The following GULP1 variants were observed in gnomAD, a reference collection of about 807,000 sequenced individuals.
The protein encoded by GULP1 is GULP PTB domain containing engulfment adaptor 1.
GULP1 carries 19 observed loss-of-function variants against 40.9 expected under a neutral mutation model. The ratio of observed to expected loss-of-function variants is 0.46; its 90% confidence interval spans 0.32 to 0.68. The LOEUF (loss-of-function observed/expected upper bound fraction) is 0.68, where lower values mean the gene tolerates loss of function less well. GULP1 is among the 30% of genes least tolerant of loss of function. The pLI is 0.03. For synonymous variants in GULP1, 119 were observed against 117.6 expected (o/e 1.01, Z -0.08); for missense variants, 312 against 362.2 (o/e 0.86, Z 1.12).
chr2:188,401,808 T>G (rs2052335888), intron 2 of GULP1, among the ~76,000 whole-genome samples: 1 of 152,110 alleles, frequency 6.6e-6, no homozygotes, highest in Non-Finnish European at 1.5e-5. Context: ...AATAAGCAAT[T>G]TAATAAGACA....
rs995398050 is a variant in GULP1, at chr2:188,595,886, G to A, written c.*1875G>A. 6 of 152,102 alleles carry A rather than the reference G, an allele frequency of 3.9e-5. No homozygotes were observed. The highest frequency in any genetic ancestry group is 7.4e-5 in the Non-Finnish European group (5 of 67,756). 9.4% of individuals were successfully genotyped at this position (152,102 alleles called of 1,614,324 possible). ...AATTGTATTTCTATGTAAACTCAAC[G>A]ATATGTTTGGTTTTCCTGAAAATAA... On this transcript the variant is annotated 3_prime_UTR_variant, in exon 12 of 12. Coordinates refer to ENST00000409830, the MANE Select transcript of GULP1 (RefSeq NM_016315.4).
At chr2:188,303,046 T>G (rs2036426161) in intron 1 of GULP1, among the ~76,000 whole-genome samples, 1 of 152,162 alleles carries the variant, frequency 6.6e-6, no homozygotes, top group Admixed American at 6.5e-5. Context: ...GCCTTCCTGT[T>G]CTTTAATAAT....
chr2:188,483,414 TG>T lies in GULP1; in HGVS notation c.29-16del. On this transcript the variant is annotated splice_polypyrimidine_tract_variant and intron_variant, in intron 3 of 11. Coordinates refer to ENST00000409830, the MANE Select transcript of GULP1 (RefSeq NM_016315.4). ...CATGGAAACCTAAAATTTAACTCTG[TG>T]TATTTTTTATTGCAGACAAAACATG... 1 of 1,395,254 alleles carries T rather than the reference TG, an allele frequency of 7.2e-7. No homozygotes were observed. The highest frequency in any genetic ancestry group is 1.0e-6 in the Non-Finnish European group (1 of 993,244). The allele number at this position is 1,395,254 out of a possible 1,614,324, so 86.4% of individuals were successfully genotyped here.
chr2:188,321,088 A>C (rs773057330), intron 1 of GULP1, among the ~76,000 whole-genome samples: 8 of 152,128 alleles, frequency 5.3e-5, no homozygotes, highest in Admixed American at 2.0e-4. Context: ...AATTTCTACT[A>C]TAGGCTATTT....
intron 2 of GULP1, among the ~76,000 whole-genome samples, chr2:188,388,880 T>C (rs2050147767): frequency 6.6e-6 from 1 of 152,226 alleles, no homozygotes; most frequent in African/African-American, 2.4e-5. Context: ...GGCATGCAGA[T>C]ACTGAGTTAC....
intron 1 of GULP1, among the ~76,000 whole-genome samples, chr2:188,349,284 A>G (rs2044127099): frequency 6.6e-6 from 1 of 152,212 alleles, no homozygotes; most frequent in African/African-American, 2.4e-5. Flanking sequence ...ACTGGGTCAT[A>G]TGGTAACTCT....
chr2:188,515,612 C>T (rs1187362597), intron 4 of GULP1, among the ~76,000 whole-genome samples: 1 of 152,072 alleles, frequency 6.6e-6, no homozygotes, highest in African/African-American at 2.4e-5. Flanking sequence ...TACCCACACT[C>T]TGCCCAGTCC....
intron 2 of GULP1, among the ~76,000 whole-genome samples, chr2:188,454,115 T>G (rs1055579347): frequency 1.3e-5 from 2 of 152,168 alleles, no homozygotes; most frequent in African/African-American, 2.4e-5. Flanking sequence ...GTGTTATAGC[T>G]TGTACCCCTG....
chr2:188,408,375 T>C (rs1287229359), intron 2 of GULP1, among the ~76,000 whole-genome samples: 11 of 152,120 alleles, frequency 7.2e-5, no homozygotes, highest in Non-Finnish European at 1.3e-4. Flanking sequence ...ACTATACTTT[T>C]ATCAGATAAA....
rs1291096687 is a variant in GULP1 at position 188,362,341 on chromosome 2, G to T, written c.-171-21422G>T. ...TTAGTCCTATGGAACCATTTTGAGT[G>T]TGTGTGTAAAACACCTCATATGTTT... On this transcript the variant is annotated intron_variant, in intron 1 of 11. Transcript: ENST00000409830. Among the ~76,000 whole-genome samples the T allele has an allele frequency of 5.9e-5, 9 of 152,058 alleles. 1 individual carries two copies.
chr2:188,450,577 A>G (rs1034765854), intron 2 of GULP1, among the ~76,000 whole-genome samples: 3 of 152,218 alleles, frequency 2.0e-5, no homozygotes, highest in East Asian at 3.9e-4. Context: ...ATACAATTAT[A>G]TATTTTTCCC....
intron 1 of GULP1, among the ~76,000 whole-genome samples, chr2:188,369,176 G>C (rs1367579457): frequency 1.3e-5 from 2 of 151,238 alleles, no homozygotes; most frequent in Non-Finnish European, 2.9e-5. Context: ...GGTGATGCTA[G>C]TCTCAAACCC....
At chr2:188,503,640 T>C (rs2063643064) in intron 4 of GULP1, among the ~76,000 whole-genome samples, 1 of 151,968 alleles carries the variant, frequency 6.6e-6, no homozygotes, top group South Asian at 2.1e-4. Context: ...AGTCAATTCT[T>C]CCAATGTGGC....
intron 2 of GULP1, among the ~76,000 whole-genome samples, chr2:188,456,983 G>T (rs946518263): frequency 2.6e-5 from 4 of 152,148 alleles, no homozygotes; most frequent in African/African-American, 4.8e-5. Context: ...TTTTGGACTT[G>T]CATGGGGCCT....
Position 188,381,319 on chromosome 2 carries a change from A to G in GULP1, c.-171-2444A>G, listed in dbSNP as rs767651506. ...GCTCTTCTTTATTCTGTCACATTGCATAAAATATTCTAGTTTGAAAAGTAT... is the reference window on the plus strand; with the variant it reads ...GCTCTTCTTTATTCTGTCACATTGCGTAAAATATTCTAGTTTGAAAAGTAT... On this transcript the variant is annotated intron_variant, in intron 1 of 11. Transcript: ENST00000409830. Among the ~76,000 whole-genome samples, 39 of 152,290 alleles carry G rather than the reference A, an allele frequency of 2.6e-4. No homozygotes were observed. In the Middle Eastern group the frequency reaches 0.014, roughly 53 times the overall value.
intron 1 of GULP1, among the ~76,000 whole-genome samples, chr2:188,346,068 G>A (rs72907691): frequency 0.011 from 1,736 of 152,314 alleles, 14 homozygotes; most frequent in Non-Finnish European, 0.02. Context: ...GGAGAGTCAT[G>A]ATTTAATAGA....
At chr2:188,438,844 T>C (rs2057672495) in intron 2 of GULP1, among the ~76,000 whole-genome samples, 2 of 152,028 alleles carry the variant, frequency 1.3e-5, no homozygotes, top group South Asian at 2.1e-4. Context: ...ATTATTGATT[T>C]GTATGTTTTC....
chr2:188,581,963 C>T (rs1701418590), intron 9 of GULP1, among the ~76,000 whole-genome samples: 1 of 152,126 alleles, frequency 6.6e-6, no homozygotes. Context: ...ACTCCTAGTT[C>T]TGTAACTGTT....
intron 7 of GULP1, among the ~76,000 whole-genome samples, chr2:188,552,823 G>T (rs1442278858): frequency 6.6e-6 from 1 of 150,520 alleles, no homozygotes; most frequent in Non-Finnish European, 1.5e-5. Context: ...TCCTTATAGA[G>T]AACTTTTACC....
Sources: gnomAD v4.1 joint callset for allele counts (sites outside exome capture counted in the v4.1 genomes callset) on GRCh38, gnomAD v4.1.1 for gene constraint, MANE v1.5 for transcripts, NCBI Gene and HGNC (gene_info 2026-07-23, HGNC 2026-07-21) for gene names.